Variants in GABRA5 observed in about 807,000 individuals in gnomAD.
GABRA5 encodes gamma-aminobutyric acid receptor subunit alpha-5.
In GABRA5, 18 loss-of-function variants were observed where a neutral mutation model predicts 47.3. The observed-to-expected ratio is 0.38, with a 90% CI of 0.26 to 0.56. GABRA5 has a LOEUF of 0.56. Ranked by LOEUF, GABRA5 falls within the 20% of genes least tolerant of loss-of-function variation. GABRA5 has a pLI of 0.71. For synonymous variants in GABRA5, 237 were observed against 229.3 expected (o/e 1.03, Z -0.30); for missense variants, 365 against 599.3 (o/e 0.61, Z 4.08).
In GABRA5 at chr15:26,869,326, T is replaced by A. The variant is rs1892405709; in HGVS notation, c.78T>A (p.Ser26Arg). The A allele has an allele frequency of 1.3e-6, 2 of 1,591,264 alleles. No individual in the cohort carries two copies. The highest frequency in any genetic ancestry group is 1.7e-6 in the Non-Finnish European group (2 of 1,159,234). Residue 26 changes from serine to arginine, a missense_variant, in exon 3 of 11, where the codon AGT becomes AGA. This residue lies in a region of GABRA5 where 216 missense variants were observed against 335.3 expected (regional missense o/e 0.64). Transcript: ENST00000335625. ...TTTGTATTTCCATGAACTTATCCAG[T>A]CACTTTGGGTAAGTTACCATCTGTG... The part of the protein sequence containing the change: ...LLFCISMNLS[S>R]HFGFSQMPTS...
At position 26,883,665 on chromosome 15, in the gene GABRA5, G is replaced by A. The variant is rs1173301277; in HGVS notation, c.497+108G>A. 1.1e-6 allele frequency: 1 copy of A among 871,814 alleles called. No homozygotes were observed. Among genetic ancestry groups the A allele is most frequent in the Non-Finnish European group, 1.7e-6 (1 of 594,266 alleles). 54.0% of individuals were successfully genotyped at this position (871,814 alleles called of 1,614,324 possible). On this transcript the variant is annotated intron_variant, in intron 6 of 10. Coordinates refer to ENST00000335625, the MANE Select transcript of GABRA5 (RefSeq NM_000810.4). The surrounding 1 kb of genome is among the most constrained non-coding windows in gnomAD (Gnocchi z 4.8). ...GCGGAGCTGTTCTGACCATAGGTCT[G>A]AGACTGCGGCGCGTGTGTGCTGGGG...
chr15:26,932,012 A>C (rs2140568663), intron 7 of GABRA5, among the ~76,000 whole-genome samples: 1 of 152,356 alleles, frequency 6.6e-6, no homozygotes, highest in South Asian at 2.1e-4. Context: ...ACACTATAAA[A>C]ACCCTGGAAG....
chr15:26,920,224 C>T (rs544377720), intron 7 of GABRA5, among the ~76,000 whole-genome samples: 1 of 152,016 alleles, frequency 6.6e-6, no homozygotes, highest in East Asian at 1.9e-4. Flanking sequence ...TCTCTCTTCT[C>T]CTTTTGAAAC....
At chr15:26,908,514 C>G (rs1232746059) in intron 6 of GABRA5, among the ~76,000 whole-genome samples, 1 of 152,216 alleles carries the variant, frequency 6.6e-6, no homozygotes, top group Non-Finnish European at 1.5e-5. Context: ...ACCCTGCAGG[C>G]TTTCCGATGG....
rs1446125974 is a variant in GABRA5, at chr15:26,883,210, G to C, written c.253G>C (p.Gly85Arg). 3 of 1,613,870 alleles carry C rather than the reference G, an allele frequency of 1.9e-6. No homozygotes were observed. The highest frequency in any genetic ancestry group is 1.7e-6 in the Non-Finnish European group (2 of 1,179,832). ...GACCGACATCTACGTCACCAGCTTC[G>C]GCCCGGTGTCCGACACGGAAATGGT... ...VRTDIYVTSF[G>R]PVSDTEMEYT... Residue 85 changes from glycine to arginine, a missense_variant, in exon 5 of 11, where the codon GGC becomes CGC. Physicochemically the swap from Gly to Arg is moderately radical, Grantham distance 125. This residue lies in a region of GABRA5 where 216 missense variants were observed against 335.3 expected (regional missense o/e 0.64). Coordinates refer to ENST00000335625, the MANE Select transcript of GABRA5 (RefSeq NM_000810.4). This position sits in a 1 kb window ranked among gnomAD's most constrained non-coding sequence, Gnocchi z 4.8.
chr15:26,929,981 C>CT (rs1894052687), intron 7 of GABRA5, among the ~76,000 whole-genome samples: 2 of 147,296 alleles, frequency 1.4e-5, no homozygotes, highest in African/African-American at 5.0e-5. Context: ...AATTCTGCTT[C>CT]TTTCTTCTTC....
intron 1 of GABRA5, among the ~76,000 whole-genome samples, chr15:26,868,390 G>A (rs1892378778): frequency 6.6e-6 from 1 of 152,164 alleles, no homozygotes; most frequent in Non-Finnish European, 1.5e-5. Flanking sequence ...TGGGGGTTGG[G>A]GGGGCTTCTT....
At chr15:26,884,887 C>T (rs1892836338) in intron 6 of GABRA5, among the ~76,000 whole-genome samples, 1 of 152,168 alleles carries the variant, frequency 6.6e-6, no homozygotes, top group African/African-American at 2.4e-5. Context: ...CTCATTGCAG[C>T]TTGGGTGCAA....
intron 6 of GABRA5, among the ~76,000 whole-genome samples, chr15:26,908,051 G>A (rs1489191576): frequency 1.3e-4 from 20 of 152,208 alleles, no homozygotes; most frequent in Admixed American, 1.2e-3. Flanking sequence ...TTCTGAAGGA[G>A]AAACAGGCTA....
At position 26,883,565 on chromosome 15, in the gene GABRA5, C is replaced by G. The variant is rs1262828139; in HGVS notation, c.497+8C>G. ...CCTGCTCTACACCATGCGGTGAGCG[C>G]CGGGCGGGGGCGGGCGGGGCCGGGG... On this transcript the variant is annotated splice_region_variant and intron_variant, in intron 6 of 10. Transcript: ENST00000335625. The surrounding 1 kb of genome is among the most constrained non-coding windows in gnomAD (Gnocchi z 4.8). 1.4e-6 allele frequency: 2 copies of G among 1,475,854 alleles called. No individual in the cohort carries two copies. The highest frequency in any genetic ancestry group is 1.9e-6 in the Non-Finnish European group (2 of 1,072,350). 91.4% of individuals were successfully genotyped at this position (1,475,854 alleles called of 1,614,324 possible). A position where few individuals can be genotyped will look rare whatever the true frequency, so the allele number is the denominator to read the frequency against.
chr15:26,867,832 C>T lies in GABRA5; in HGVS notation c.-140+721C>T, dbSNP rs1367619444. Reference sequence around the variant, plus strand: ...TCGCGCGCGTGTCGCGCGGGCTGCTCGAGGCCAGGGGACTTGGAGTCGCTG... The same window carrying T: ...TCGCGCGCGTGTCGCGCGGGCTGCTTGAGGCCAGGGGACTTGGAGTCGCTG... On this transcript the variant is annotated intron_variant, in intron 1 of 10. Transcript: ENST00000335625. The surrounding 1 kb of genome is among the most constrained non-coding windows in gnomAD (Gnocchi z 5.9). The T allele has an allele frequency of 6.6e-6, 1 of 152,112 alleles. No homozygotes were observed. The highest frequency in any genetic ancestry group is 1.5e-5 in the Non-Finnish European group (1 of 68,062). The allele number at this position is 152,112 out of a possible 1,614,324, so 9.4% of individuals were successfully genotyped here.
chr15:26,870,733 A>G (rs1004522010), intron 3 of GABRA5, among the ~76,000 whole-genome samples: 2 of 152,162 alleles, frequency 1.3e-5, no homozygotes, highest in African/African-American at 4.8e-5. Flanking sequence ...CATGTTCACA[A>G]TGTTCTTCTG....
intron 7 of GABRA5, among the ~76,000 whole-genome samples, chr15:26,934,824 C>A (rs1379856084): frequency 6.6e-6 from 1 of 152,122 alleles, no homozygotes; most frequent in Non-Finnish European, 1.5e-5. Flanking sequence ...ACTGCCACCT[C>A]CCACTCAGGA....
chr15:26,906,195 A>C (rs945906101), intron 6 of GABRA5, among the ~76,000 whole-genome samples: 7 of 151,824 alleles, frequency 4.6e-5, no homozygotes, highest in African/African-American at 1.7e-4. Flanking sequence ...TTGAGCTAAT[A>C]TTGTGAAATC....
intron 3 of GABRA5, among the ~76,000 whole-genome samples, chr15:26,875,199 G>A (rs1025194268): frequency 6.6e-6 from 1 of 152,212 alleles, no homozygotes; most frequent in African/African-American, 2.4e-5. Flanking sequence ...TCTGTGTCCA[G>A]GAGACTCCTG....
intron 7 of GABRA5, among the ~76,000 whole-genome samples, chr15:26,930,670 T>G (rs938841710): frequency 1.3e-5 from 2 of 151,950 alleles, no homozygotes; most frequent in African/African-American, 4.8e-5. Flanking sequence ...TCTCTACAAC[T>G]CTCCTCTTTT....
chr15:26,930,227 G>A (rs893249671), intron 7 of GABRA5, among the ~76,000 whole-genome samples: 6 of 151,952 alleles, frequency 3.9e-5, no homozygotes, highest in Non-Finnish European at 7.4e-5. Context: ...TGGCCAGGCT[G>A]GTCACAAACT....
chr15:26,872,745 G>T (rs764674330), intron 3 of GABRA5, among the ~76,000 whole-genome samples: 1 of 152,208 alleles, frequency 6.6e-6, no homozygotes. Context: ...TAGAGAATCA[G>T]GCAGGGAAGA....
At chr15:26,938,922 C>A (rs1006151074) in intron 8 of GABRA5, among the ~76,000 whole-genome samples, 4 of 152,228 alleles carry the variant, frequency 2.6e-5, no homozygotes, top group Non-Finnish European at 5.9e-5. Flanking sequence ...ACAGTAAGCA[C>A]TGCAACTGTG....
Sources: allele counts gnomAD v4.1 joint callset (sites outside exome capture counted in the v4.1 genomes callset), GRCh38; gene constraint gnomAD v4.1.1; regional missense constraint gnomAD v4.1.1; non-coding constraint Gnocchi (gnomAD v3.1); transcripts MANE v1.5; gene names NCBI Gene and HGNC (gene_info 2026-07-23, HGNC 2026-07-21).